MAF: variants seen among roughly 807,000 people sequenced by gnomAD.
MAF encodes MAF bZIP transcription factor, also known as transcription factor Maf.
Under a neutral mutation model 22.0 loss-of-function variants are expected in MAF, and 10 were observed. The ratio of observed to expected loss-of-function variants is 0.45; its 90% CI spans 0.28 to 0.77. MAF has a LOEUF of 0.77. Among genes scored for constraint, MAF ranks in the 30% least tolerant of loss-of-function variants. The probability of loss-of-function intolerance (pLI) is 0.12; values close to 1 mark genes in which losing one functional copy is unlikely to be tolerated. For synonymous variants in MAF, 337 were observed against 255.8 expected (o/e 1.32, Z -3.03); for missense variants, 544 against 548.4 (o/e 0.99, Z 0.08).
At chr16:79,440,225 G>A in the MAF span, among the ~76,000 whole-genome samples, 1 of 152,184 alleles carries the variant, frequency 6.6e-6, no homozygotes, top group Non-Finnish European at 1.5e-5. Flanking sequence ...TGCTGCCCTG[G>A]CTTTGCAGCT....
the MAF span, among the ~76,000 whole-genome samples, chr16:79,392,870 T>C: frequency 6.6e-6 from 1 of 152,192 alleles, no homozygotes; most frequent in Non-Finnish European, 1.5e-5. Flanking sequence ...AATCCACTGC[T>C]GTACGGCCCA....
At chr16:79,281,195 CACAT>C in the MAF span, among the ~76,000 whole-genome samples, 1 of 142,808 alleles carries the variant, frequency 7.0e-6, no homozygotes, top group Admixed American at 7.0e-5. Context: ...CTTGTTTTTG[CACAT>C]ACATTTAACC....
the MAF span, among the ~76,000 whole-genome samples, chr16:79,338,232 G>T: frequency 1.7e-4 from 26 of 152,304 alleles, no homozygotes; most frequent in East Asian, 2.9e-3. Flanking sequence ...TGGAAGAATT[G>T]CAGGTCTTCC....
At chr16:79,485,282 A>G in the MAF span, among the ~76,000 whole-genome samples, 5 of 152,200 alleles carry the variant, frequency 3.3e-5, no homozygotes, top group African/African-American at 1.2e-4. Context: ...TACTTGCCTC[A>G]TAGGGTTGTT....
chr16:79,483,648 G>A, the MAF span, among the ~76,000 whole-genome samples: 1 of 152,160 alleles, frequency 6.6e-6, no homozygotes, highest in Admixed American at 6.5e-5. Flanking sequence ...GGTAGCAGCA[G>A]ATGCAAAGAT....
At chr16:79,413,455 G>A in the MAF span, among the ~76,000 whole-genome samples, 4 of 149,114 alleles carry the variant, frequency 2.7e-5, no homozygotes, top group East Asian at 2.0e-4. Flanking sequence ...CCATGGTCTC[G>A]ATCTCCTGAC....
At chr16:79,345,512 G>T in the MAF span, among the ~76,000 whole-genome samples, 3 of 152,008 alleles carry the variant, frequency 2.0e-5, no homozygotes, top group African/African-American at 7.2e-5. Context: ...TGGATTACTT[G>T]AGGTCAGGAG....
chr16:79,594,832 C>T, intron 1 of MAF: 1 of 1,243,178 alleles, frequency 8.0e-7, no homozygotes, highest in Non-Finnish European at 1.0e-6. Context: ...CCACTCAAAC[C>T]TCATTTTTGC....
At chr16:79,347,735 G>A in the MAF span, among the ~76,000 whole-genome samples, 3 of 152,128 alleles carry the variant, frequency 2.0e-5, no homozygotes, top group Non-Finnish European at 4.4e-5. Flanking sequence ...TTCCAGCTCT[G>A]TGGCACAACC....
the MAF span, among the ~76,000 whole-genome samples, chr16:79,394,350 A>G: frequency 6.6e-6 from 1 of 152,174 alleles, no homozygotes; most frequent in Non-Finnish European, 1.5e-5. Context: ...GACCCTGTTT[A>G]CAAGTGATTT....
At chr16:79,543,357 T>C in the MAF span, among the ~76,000 whole-genome samples, 3 of 152,166 alleles carry the variant, frequency 2.0e-5, no homozygotes, top group African/African-American at 4.8e-5. Flanking sequence ...AGTGCCTCCT[T>C]CCCACTTATC....
the MAF span, among the ~76,000 whole-genome samples, chr16:79,447,341 A>C: frequency 0.025 from 3,822 of 152,242 alleles, 54 homozygotes; most frequent in Middle Eastern, 0.037. Flanking sequence ...CAAAAAAAAA[A>C]AAAAAAAGAT....
At chr16:79,423,885 A>G in the MAF span, among the ~76,000 whole-genome samples, 24 of 152,202 alleles carry the variant, frequency 1.6e-4, no homozygotes, top group Non-Finnish European at 3.1e-4. Flanking sequence ...ATGCTTGAAA[A>G]CAGTCATGTC....
chr16:79,550,088 G>T, the MAF span, among the ~76,000 whole-genome samples: 1 of 152,018 alleles, frequency 6.6e-6, no homozygotes, highest in African/African-American at 2.4e-5. Flanking sequence ...AGCTCATACT[G>T]CTCTCTCCAA....
At chr16:79,434,387 A>G in the MAF span, among the ~76,000 whole-genome samples, 4 of 152,160 alleles carry the variant, frequency 2.6e-5, no homozygotes, top group African/African-American at 9.7e-5. Flanking sequence ...TATGGTGTAA[A>G]TGCTCTCATG....
the MAF span, among the ~76,000 whole-genome samples, chr16:79,502,702 AATATAAATATATATATATATATAT>A: frequency 4.6e-3 from 401 of 86,476 alleles, 17 homozygotes; most frequent in African/African-American, 0.03. Context: ...TATAAATATA[AATATAAATATATATATATATATAT>A]ATATATATAT....
chr16:79,271,010 C>G, the MAF span, among the ~76,000 whole-genome samples: 1 of 151,916 alleles, frequency 6.6e-6, no homozygotes, highest in African/African-American at 2.4e-5. Context: ...AAGTGATTCT[C>G]CTGCCTCAGC....
chr16:79,485,328 C>A, the MAF span, among the ~76,000 whole-genome samples: 1 of 152,190 alleles, frequency 6.6e-6, no homozygotes, highest in African/African-American at 2.4e-5. Flanking sequence ...CAAAGTCATA[C>A]GACAGCGATT....
chr16:79,248,991 T>C, the MAF span, among the ~76,000 whole-genome samples: 3 of 152,140 alleles, frequency 2.0e-5, no homozygotes, highest in Non-Finnish European at 4.4e-5. Context: ...ACCCCTGCTG[T>C]GATTTAAGTT....
Sources: gnomAD v4.1 joint callset for allele counts (sites outside exome capture counted in the v4.1 genomes callset) on GRCh38, gnomAD v4.1.1 for gene constraint, MANE v1.5 for transcripts, NCBI Gene and HGNC (gene_info 2026-07-23, HGNC 2026-07-21) for gene names.